The following TM9SF4 variants were observed in gnomAD, a reference collection of about 807,000 sequenced individuals.
TM9SF4 encodes the protein transmembrane 9 superfamily member 4.
TM9SF4 carries 26 observed loss-of-function variants against 90.4 expected under a neutral mutation model. That is an observed-to-expected ratio of 0.29 (90% CI 0.21 to 0.40). The LOEUF (loss-of-function observed/expected upper bound fraction) is 0.40, where lower values mean the gene tolerates loss of function less well. TM9SF4 is among the 10% of genes least tolerant of loss of function. The probability of loss-of-function intolerance (pLI) is 1.00; values close to 1 mark genes in which losing one functional copy is unlikely to be tolerated. For synonymous variants in TM9SF4, 293 were observed against 315.4 expected (o/e 0.93, Z 0.75); for missense variants, 549 against 834.8 (o/e 0.66, Z 4.22).
chr20:32,112,354 C>G (rs1569034495), intron 1 of TM9SF4, among the ~76,000 whole-genome samples: 1 of 152,096 alleles, frequency 6.6e-6, no homozygotes, highest in Non-Finnish European at 1.5e-5. Context: ...GAGCCCTGAT[C>G]ACTGCACTGC....
At chr20:32,153,693 A>G (rs769530635) in intron 12 of TM9SF4, among the ~76,000 whole-genome samples, 21 of 152,186 alleles carry the variant, frequency 1.4e-4, no homozygotes, top group Non-Finnish European at 2.6e-4. Context: ...GCGGTGAGCT[A>G]TGATTGCACC....
chr20:32,121,691 C>T (rs1000813269), intron 1 of TM9SF4, among the ~76,000 whole-genome samples: 4 of 152,250 alleles, frequency 2.6e-5, no homozygotes, highest in Non-Finnish European at 5.9e-5. Flanking sequence ...CACTGTCATC[C>T]TGGCCCGCTC....
intron 17 of TM9SF4, among the ~76,000 whole-genome samples, chr20:32,164,473 C>G (rs2047072263): frequency 6.6e-6 from 1 of 152,158 alleles, no homozygotes; most frequent in Non-Finnish European, 1.5e-5. Flanking sequence ...GATCATGCCA[C>G]TGTGCTCTAG....
intron 17 of TM9SF4, among the ~76,000 whole-genome samples, chr20:32,163,065 G>C (rs1166359273): frequency 6.6e-6 from 1 of 151,574 alleles, no homozygotes; most frequent in Non-Finnish European, 1.5e-5. Flanking sequence ...GGCCAACATG[G>C]TGAAACCCTG....
At chr20:32,151,612 G>A (rs867109108) in intron 12 of TM9SF4, among the ~76,000 whole-genome samples, 11 of 152,184 alleles carry the variant, frequency 7.2e-5, no homozygotes, top group Middle Eastern at 6.3e-3. Context: ...CCTCGGTAAA[G>A]AAAAGTTGTG....
chr20:32,113,675 A>G, intron 1 of TM9SF4, among the ~76,000 whole-genome samples: 1 of 152,196 alleles, frequency 6.6e-6, no homozygotes, highest in Admixed American at 6.5e-5. Flanking sequence ...TATAATTCAT[A>G]TGCCATAAAA....
chr20:32,121,094 T>C (rs1306806421), intron 1 of TM9SF4, among the ~76,000 whole-genome samples: 1 of 152,160 alleles, frequency 6.6e-6, no homozygotes, highest in Non-Finnish European at 1.5e-5. Flanking sequence ...TTCCATTTCT[T>C]GTGATGTCTT....
rs72123388 is a variant in TM9SF4 at position 32,118,601 on chromosome 20, G to GTATT, written c.15+8888_15+8891dup. Among the ~76,000 whole-genome samples, 329 of 146,296 alleles carry GTATT rather than the reference G, an allele frequency of 2.2e-3. 1 individual carries two copies. The highest frequency in any genetic ancestry group is 3.7e-3 in the Non-Finnish European group (246 of 66,688). The stretch of plus-strand genomic sequence containing the variant: ...CCAGCCTAAATGTATTTATTTTGTT[G>GTATT]TATTTATTTATTTATTTATTTATTT... On this transcript the variant is annotated intron_variant, in intron 1 of 17. Coordinates refer to ENST00000398022, the MANE Select transcript of TM9SF4 (RefSeq NM_014742.4).
At chr20:32,123,866 A>ATATATATAT in intron 1 of TM9SF4, among the ~76,000 whole-genome samples, 1 of 93,962 alleles carries the variant, frequency 1.1e-5, no homozygotes, top group East Asian at 7.4e-4. Context: ...ATATATATAT[A>ATATATATAT]TTTTTTTTTT....
At chr20:32,150,540 C>CCTGGGGCTGGGG in intron 10 of TM9SF4, 82 bp from the exon 11 acceptor site, 1 of 1,554,270 alleles carries the variant, frequency 6.4e-7, no homozygotes, top group Non-Finnish European at 8.8e-7. Context: ...CCAAGGTGGG[C>CCTGGGGCTGGGG]CTGGGGCTGG....
At chr20:32,162,961 T>C (rs1569114042) in intron 17 of TM9SF4, among the ~76,000 whole-genome samples, 1 of 152,126 alleles carries the variant, frequency 6.6e-6, no homozygotes. Context: ...CAACCATGCT[T>C]AGATCCAGAG....
chr20:32,118,904 T>C (rs926672794), intron 1 of TM9SF4, among the ~76,000 whole-genome samples: 10 of 152,046 alleles, frequency 6.6e-5, no homozygotes, highest in African/African-American at 9.7e-5. Flanking sequence ...GCTGGGATTA[T>C]AGTCCTGAGC....
At chr20:32,161,562 G>A (rs1473559041) in intron 17 of TM9SF4, among the ~76,000 whole-genome samples, 197 bp downstream of exon 17, 1 of 152,132 alleles carries the variant, frequency 6.6e-6, no homozygotes, top group African/African-American at 2.4e-5. Flanking sequence ...TGTATGTTTG[G>A]GAGACAAAGG....
chr20:32,133,168 G>A, intron 2 of TM9SF4, 42 bp downstream of exon 2: 1 of 1,582,728 alleles, frequency 6.3e-7, no homozygotes, highest in Non-Finnish European at 8.7e-7. Flanking sequence ...GTGCTAGGCA[G>A]TGTGTCTGGA....
chr20:32,121,536 C>G (rs1307000960), intron 1 of TM9SF4, among the ~76,000 whole-genome samples: 1 of 151,810 alleles, frequency 6.6e-6, no homozygotes, highest in East Asian at 1.9e-4. Flanking sequence ...CACAGATCAA[C>G]AGGATCCCAA....
rs1432368218 is a variant in TM9SF4 at position 32,141,768 on chromosome 20, T to C, written c.401T>C (p.Ile134Thr). The change falls in exon 5 of 18, where the codon ATT becomes ACT. Residue 134 changes from isoleucine (I) to threonine (T), a missense_variant and splice_region_variant. Around this residue, in one of 2 missense-constraint regions of TM9SF4, gnomAD observed 495 missense variants for 711.7 expected, o/e 0.70. Coordinates refer to ENST00000398022, the MANE Select transcript of TM9SF4 (RefSeq NM_014742.4). ...TGAGTGGGGCCTTCACTTTCCAGCA[T>C]TGCTGACAACCTGCCTGTGGCCACC... ...RITEDYYVHL[I>T]ADNLPVATRL... The C allele has an allele frequency of 1.9e-6, 3 of 1,614,104 alleles. No homozygotes were observed. The highest frequency in any genetic ancestry group is 2.5e-6 in the Non-Finnish European group (3 of 1,180,008).
chr20:32,151,880 T>C (rs1317656686), intron 12 of TM9SF4, among the ~76,000 whole-genome samples: 1 of 150,890 alleles, frequency 6.6e-6, no homozygotes, highest in Admixed American at 6.6e-5. Flanking sequence ...TTTTTTTTTT[T>C]AGACGGAGTC....
chr20:32,131,022 A>G (rs924939428), intron 1 of TM9SF4, among the ~76,000 whole-genome samples: 1 of 152,228 alleles, frequency 6.6e-6, no homozygotes, highest in African/African-American at 2.4e-5. Flanking sequence ...TTTTAAAAAA[A>G]AATGACAGAG....
chr20:32,122,466 G>A (rs567779255), intron 1 of TM9SF4, among the ~76,000 whole-genome samples: 3 of 150,186 alleles, frequency 2.0e-5, no homozygotes, highest in African/African-American at 4.9e-5. Context: ...GCTGCCGGGC[G>A]GAGGGTCTCC....
Sources: gnomAD v4.1 joint callset for allele counts (sites outside exome capture counted in the v4.1 genomes callset) on GRCh38, gnomAD v4.1.1 for gene constraint, gnomAD v4.1.1 regional missense constraint, MANE v1.5 for transcripts, NCBI Gene and HGNC (gene_info 2026-07-23, HGNC 2026-07-21) for gene names.